Variants in SYN3 observed in about 807,000 individuals in gnomAD.
The protein encoded by SYN3 is synapsin III.
SYN3 carries 35 observed loss-of-function variants against 65.8 expected under a neutral mutation model. The observed-to-expected ratio is 0.53, with a 90% CI of 0.41 to 0.70. SYN3 has a LOEUF of 0.70. Ranked by LOEUF, SYN3 falls within the 30% of genes least tolerant of loss-of-function variation. The pLI, the probability that SYN3 is intolerant of heterozygous loss-of-function variation, is 0.00. For synonymous variants in SYN3, 270 were observed against 292.9 expected (o/e 0.92, Z 0.80); for missense variants, 680 against 749.0 (o/e 0.91, Z 1.08).
At chr22:33,006,320 G>A (rs754252444) in intron 2 of SYN3, 32 bp downstream of exon 2, 2 of 1,563,288 alleles carry the variant, frequency 1.3e-6, no homozygotes, top group South Asian at 2.4e-5. Flanking sequence ...TCTTGCCCCA[G>A]AAGGTGGTAG....
Position 32,849,542 on chromosome 22 carries a change from A to G in SYN3, c.711+15373T>C, listed in dbSNP as rs1225789557. The G allele has an allele frequency of 2.5e-6, 4 of 1,612,438 alleles. No individual in the cohort carries two copies. In the South Asian group the frequency reaches 4.4e-5, roughly 18 times the overall value. ...ACCATCAAGCAGATGAAGGTAGGTA[A>G]TGTCATCACCCTGGCTCCGGGAAGG... On this transcript the variant is annotated intron_variant, in intron 6 of 13. Coordinates refer to ENST00000358763, the MANE Select transcript of SYN3 (RefSeq NM_003490.4).
chr22:32,868,726 C>A (rs919224499), intron 5 of SYN3, among the ~76,000 whole-genome samples: 1 of 152,112 alleles, frequency 6.6e-6, no homozygotes, highest in Non-Finnish European at 1.5e-5. Context: ...GCTGGGATTA[C>A]AGGCATAAGC....
chr22:33,030,237 C>T (rs2053724914), intron 1 of SYN3, among the ~76,000 whole-genome samples: 1 of 152,212 alleles, frequency 6.6e-6, no homozygotes, highest in Non-Finnish European at 1.5e-5. Flanking sequence ...ACAAGCCGCT[C>T]CTTTCTGCTG....
chr22:32,785,801 G>A (rs35201299), intron 6 of SYN3, among the ~76,000 whole-genome samples: 15,631 of 152,126 alleles, frequency 0.1, 1,159 homozygotes, highest in East Asian at 0.4. Context: ...CCAGGCCAAC[G>A]CAAGCTCTCT....
chr22:32,935,271 TTCTCTCTCTCTCTTTCTCTC>T (rs1325349181), intron 3 of SYN3, among the ~76,000 whole-genome samples: 2 of 146,350 alleles, frequency 1.4e-5, no homozygotes, highest in East Asian at 3.9e-4. Flanking sequence ...CCTAGACTCA[TTCTCTCTCTCTCTTTCTCTC>T]TCTCTCTCTC....
At chr22:32,580,667 G>A (rs146548761) in intron 7 of SYN3, among the ~76,000 whole-genome samples, 43 of 152,298 alleles carry the variant, frequency 2.8e-4, no homozygotes, top group Non-Finnish European at 5.6e-4. Flanking sequence ...AACATGATAT[G>A]AAATTCAAAT....
intron 12 of SYN3, among the ~76,000 whole-genome samples, chr22:32,518,955 A>C (rs2057827437): frequency 6.6e-6 from 1 of 152,204 alleles, no homozygotes; most frequent in Non-Finnish European, 1.5e-5. Context: ...TGGTGTCCTT[A>C]TAAGAGGAGA....
At chr22:32,725,511 G>T (rs967542094) in intron 6 of SYN3, among the ~76,000 whole-genome samples, 1 of 152,182 alleles carries the variant, frequency 6.6e-6, no homozygotes, top group Admixed American at 6.5e-5. Flanking sequence ...TGAAGTGAAC[G>T]ATCTTGAGAT....
intron 4 of SYN3, among the ~76,000 whole-genome samples, chr22:32,927,325 G>A (rs1190575068): frequency 6.7e-6 from 1 of 148,740 alleles, no homozygotes; most frequent in Non-Finnish European, 1.5e-5. Context: ...GTGCAGTGGC[G>A]TGATCACAGC....
chr22:32,755,318 C>T (rs2045256964), intron 6 of SYN3, among the ~76,000 whole-genome samples: 1 of 152,192 alleles, frequency 6.6e-6, no homozygotes, highest in South Asian at 2.1e-4. Context: ...TTGTCACTTT[C>T]ACCCGCTGCC....
rs117032903 is a variant in SYN3, at chr22:32,558,800, C to T, written c.775-17087G>A. 5.4e-4 allele frequency among the ~76,000 whole-genome samples: 83 copies of T among 152,344 alleles called. 1 individual carries two copies. In the East Asian group the frequency reaches 0.012, roughly 21 times the overall value. On this transcript the variant is annotated intron_variant, in intron 7 of 13. Coordinates refer to ENST00000358763, the MANE Select transcript of SYN3 (RefSeq NM_003490.4). ...CCAAGGGCCCCTTAGCCAAGGCAGA[C>T]TGTGCCAGGGGACCCTAACATGGCC...
chr22:32,773,161 C>G (rs369163937), intron 6 of SYN3, among the ~76,000 whole-genome samples: 1 of 152,072 alleles, frequency 6.6e-6, no homozygotes, highest in East Asian at 1.9e-4. Context: ...AATCCTAGCA[C>G]TTTGGGAGGC....
At chr22:33,016,550 C>G (rs2053470712) in intron 1 of SYN3, among the ~76,000 whole-genome samples, 1 of 152,164 alleles carries the variant, frequency 6.6e-6, no homozygotes, top group Non-Finnish European at 1.5e-5. Flanking sequence ...TTTCTTTACA[C>G]TCGCTCCAAC....
chr22:32,977,221 A>G (rs903547754), intron 3 of SYN3, among the ~76,000 whole-genome samples: 4 of 152,222 alleles, frequency 2.6e-5, no homozygotes, highest in Non-Finnish European at 5.9e-5. Context: ...TGTAGACTTC[A>G]TAGACTGGCT....
intron 4 of SYN3, among the ~76,000 whole-genome samples, chr22:32,923,416 G>T (rs5998658): frequency 0.059 from 9,037 of 152,270 alleles, 863 homozygotes; most frequent in African/African-American, 0.2. Context: ...GACGCAACAA[G>T]AAATAAAGTT....
intron 4 of SYN3, among the ~76,000 whole-genome samples, chr22:32,869,557 C>T (rs1051783898): frequency 2.6e-5 from 4 of 152,098 alleles, no homozygotes; most frequent in African/African-American, 9.7e-5. Context: ...CACAAACGAG[C>T]ACCCTGAGGC....
chr22:32,710,117 G>A (rs12106555), intron 6 of SYN3, among the ~76,000 whole-genome samples: 3 of 146,582 alleles, frequency 2.0e-5, no homozygotes, highest in African/African-American at 7.5e-5. Flanking sequence ...GTGTATGTGT[G>A]TGTGTGTGTG....
intron 6 of SYN3, among the ~76,000 whole-genome samples, chr22:32,841,318 G>A (rs2047894829): frequency 6.6e-6 from 1 of 152,186 alleles, no homozygotes; most frequent in Non-Finnish European, 1.5e-5. Context: ...GTCTGATAGA[G>A]CACAGTGTCA....
intron 2 of SYN3, among the ~76,000 whole-genome samples, chr22:33,001,603 G>A (rs1175201400): frequency 1.3e-5 from 2 of 152,204 alleles, no homozygotes; most frequent in Non-Finnish European, 2.9e-5. Flanking sequence ...CTACTGTTAA[G>A]ATGATTAATG....
Sources: gnomAD v4.1 joint callset for allele counts (sites outside exome capture counted in the v4.1 genomes callset) on GRCh38, gnomAD v4.1.1 for gene constraint, MANE v1.5 for transcripts, NCBI Gene and HGNC (gene_info 2026-07-23, HGNC 2026-07-21) for gene names.